Variants in CALD1 observed in about 807,000 individuals in gnomAD.
CALD1 encodes the protein caldesmon 1, also known as caldesmon.
CALD1 carries 33 observed loss-of-function variants against 99.9 expected under a neutral mutation model. The observed-to-expected ratio is 0.33, with a 90% CI of 0.25 to 0.44. CALD1 has a LOEUF of 0.44. CALD1 is among the 20% of genes least tolerant of loss of function. The probability of loss-of-function intolerance (pLI) is 1.00; values close to 1 mark genes in which losing one functional copy is unlikely to be tolerated. For missense variants in CALD1, 861 were observed against 962.1 expected (o/e 0.89, Z 1.39); for synonymous variants, 310 against 325.0 (o/e 0.95, Z 0.50).
intron 1 of CALD1, among the ~76,000 whole-genome samples, chr7:134,754,595 C>T (rs1796712182): frequency 6.6e-6 from 1 of 152,110 alleles, no homozygotes; most frequent in African/African-American, 2.4e-5. Context: ...GCTTGACATA[C>T]AAGAAAATAC....
At chr7:134,901,285 T>A (rs1802977734) in intron 3 of CALD1, among the ~76,000 whole-genome samples, 1 of 151,906 alleles carries the variant, frequency 6.6e-6, no homozygotes, top group East Asian at 1.9e-4. Context: ...CAAATCCTAG[T>A]CTCATCATTT....
chr7:134,863,998 G>C (rs1173729678), intron 2 of CALD1, among the ~76,000 whole-genome samples: 1 of 152,176 alleles, frequency 6.6e-6, no homozygotes, highest in Non-Finnish European at 1.5e-5. Flanking sequence ...TAAGATGCAG[G>C]ACACGCCTCT....
the CALD1 span, among the ~76,000 whole-genome samples, chr7:134,715,765 C>T: frequency 2.0e-5 from 3 of 152,208 alleles, no homozygotes; most frequent in Middle Eastern, 6.8e-3. Context: ...CTGACCAGGT[C>T]GAAGGCCAGT....
chr7:134,880,531 A>G lies in CALD1; in HGVS notation c.71+12727A>G, dbSNP rs553652633. ...CACACTGCATCTTTCCCAAGGCACA[A>G]TTGGCAGCTACAGTACATGTATATC... On this transcript the variant is annotated intron_variant, in intron 3 of 14. Coordinates refer to ENST00000361675, the MANE Select transcript of CALD1 (RefSeq NM_033138.4). Among the ~76,000 whole-genome samples, 3 of 152,328 alleles carry G rather than the reference A, an allele frequency of 2.0e-5. No homozygotes were observed. In the South Asian group the frequency reaches 6.2e-4, roughly 32 times the overall value.
intron 6 of CALD1, among the ~76,000 whole-genome samples, chr7:134,940,550 T>C (rs972226070): frequency 4.6e-5 from 7 of 152,304 alleles, no homozygotes; most frequent in African/African-American, 7.2e-5. Flanking sequence ...TTAGTAAATG[T>C]CCCATCCTTG....
At chr7:134,915,629 C>G (rs1341450135) in intron 3 of CALD1, among the ~76,000 whole-genome samples, 1 of 152,210 alleles carries the variant, frequency 6.6e-6, no homozygotes, top group African/African-American at 2.4e-5. Flanking sequence ...CATGCTCCCT[C>G]TCTCAGAGTC....
chr7:134,960,872 T>A, intron 13 of CALD1: 1 of 326,216 alleles, frequency 3.1e-6, no homozygotes, highest in Non-Finnish European at 5.6e-6. Context: ...AGGAATCAGC[T>A]AGAATACTGA....
At chr7:134,940,687 A>C (rs1409585536) in intron 6 of CALD1, among the ~76,000 whole-genome samples, 2 of 152,184 alleles carry the variant, frequency 1.3e-5, no homozygotes, top group Non-Finnish European at 2.9e-5. Flanking sequence ...TTCTCTCACC[A>C]TCCAGGAAGA....
chr7:134,746,713 A>G (rs890938629), intron 1 of CALD1, among the ~76,000 whole-genome samples: 2 of 152,228 alleles, frequency 1.3e-5, no homozygotes, highest in African/African-American at 4.8e-5. Flanking sequence ...GTTAGTAGAA[A>G]TATGAACGGT....
upstream of CALD1, among the ~76,000 whole-genome samples, chr7:134,777,404 A>T (rs1338541290): frequency 3.9e-5 from 6 of 152,200 alleles, no homozygotes; most frequent in East Asian, 1.2e-3. Flanking sequence ...TTATCAAAAG[A>T]CATAACCCAA....
At chr7:134,870,110 A>G (rs918264721) in intron 3 of CALD1, among the ~76,000 whole-genome samples, 5 of 152,232 alleles carry the variant, frequency 3.3e-5, no homozygotes, top group African/African-American at 1.2e-4. Flanking sequence ...TAAGTGTGCC[A>G]GGATGGGAAA....
chr7:134,816,945 G>T (rs1193473903), intron 1 of CALD1, among the ~76,000 whole-genome samples: 1 of 152,178 alleles, frequency 6.6e-6, no homozygotes, highest in Admixed American at 6.5e-5. Flanking sequence ...TGGAAAAGTA[G>T]CTGTCAGAGG....
At chr7:134,793,819 A>AT (rs77046504) in intron 1 of CALD1, among the ~76,000 whole-genome samples, 97 of 141,136 alleles carry the variant, frequency 6.9e-4, no homozygotes, top group African/African-American at 1.5e-3. Flanking sequence ...TTTATGTACC[A>AT]TTTTTTTTTT....
At chr7:134,744,455 G>C (rs1177831228) in intron 1 of CALD1, 5 of 137,830 alleles carry the variant, frequency 3.6e-5, no homozygotes, top group Non-Finnish European at 4.6e-5. Flanking sequence ...GAAGTCGTGT[G>C]TGTGTGTGTG....
At position 134,935,776 on chromosome 7, in the gene CALD1, T is replaced by C. The variant is rs376952318; in HGVS notation, c.1386+11T>C. On this transcript the variant is annotated intron_variant, in intron 6 of 14. Coordinates refer to ENST00000361675, the MANE Select transcript of CALD1 (RefSeq NM_033138.4). ...TTCAAAAAAGAAGAGGTAAATATGA[T>C]TGAAAAGTAATGATCGTAAAGCAAC... The C allele has an allele frequency of 1.5e-5, 24 of 1,575,354 alleles. No individual in the cohort carries two copies. Among genetic ancestry groups the C allele is most frequent in the Admixed American group, 7.7e-5 (4 of 51,908 alleles).
At chr7:134,819,224 C>T (rs754264566) in intron 1 of CALD1, among the ~76,000 whole-genome samples, 1 of 152,200 alleles carries the variant, frequency 6.6e-6, no homozygotes, top group African/African-American at 2.4e-5. Flanking sequence ...GCATTCTCCA[C>T]TCTATTCCAT....
At chr7:134,882,856 G>T (rs971945198) in intron 3 of CALD1, among the ~76,000 whole-genome samples, 1 of 152,154 alleles carries the variant, frequency 6.6e-6, no homozygotes, top group Admixed American at 6.5e-5. Flanking sequence ...AAAAGAAAAA[G>T]AAGAAAGTAA....
At chr7:134,952,373 G>A (rs889141768) in intron 9 of CALD1, among the ~76,000 whole-genome samples, 1 of 152,058 alleles carries the variant, frequency 6.6e-6, no homozygotes, top group South Asian at 2.1e-4. Flanking sequence ...GTTATATCAA[G>A]TGGCACACCA....
intron 1 of CALD1, among the ~76,000 whole-genome samples, chr7:134,835,864 G>A (rs1799413080): frequency 1.3e-5 from 2 of 152,090 alleles, no homozygotes; most frequent in African/African-American, 4.8e-5. Flanking sequence ...AGATAAATGA[G>A]GCTAGGCGAG....
Sources: allele counts gnomAD v4.1 joint callset (sites outside exome capture counted in the v4.1 genomes callset), GRCh38; gene constraint gnomAD v4.1.1; transcripts MANE v1.5; gene names NCBI Gene and HGNC (gene_info 2026-07-23, HGNC 2026-07-21).